SPAM1: variants seen among roughly 807,000 people sequenced by gnomAD.
The protein encoded by SPAM1 is hyaluronidase PH-20.
Under a neutral mutation model 29.6 loss-of-function variants are expected in SPAM1, and 22 were observed. The observed-to-expected ratio is 0.74, with a 90% CI of 0.53 to 1.06. The LOEUF (loss-of-function observed/expected upper bound fraction) is 1.06, where lower values mean the gene tolerates loss of function less well. Among genes scored for constraint, SPAM1 ranks in the 50% least tolerant of loss-of-function variants. The probability of loss-of-function intolerance (pLI) is 0.00; values close to 1 mark genes in which losing one functional copy is unlikely to be tolerated. For missense variants in SPAM1, 534 were observed against 604.0 expected, an observed-to-expected ratio of 0.88 and a Z score of 1.21; for synonymous variants, 194 against 204.6, an observed-to-expected ratio of 0.95 and a Z score of 0.44.
At position 123,967,302 on chromosome 7, in the gene SPAM1, A is replaced by G. The variant is rs112751555; in HGVS notation, c.1486-2896A>G. Among the ~76,000 whole-genome samples the G allele has an allele frequency of 3.3e-5, 5 of 152,198 alleles. 1 individual carries two copies. The highest frequency in any genetic ancestry group is 9.6e-5 in the African/African-American group (4 of 41,566). On this transcript the variant is annotated intron_variant, in intron 5 of 6. Coordinates refer to the SPAM1 transcript ENST00000340011. The stretch of plus-strand genomic sequence containing the variant: ...TATTTCAGATAAATCTGGTATTACA[A>G]TGCTAAAATCACTATATGCATAATG...
intron 4 of SPAM1, among the ~76,000 whole-genome samples, chr7:123,957,871 A>T (rs1344798459): frequency 6.6e-6 from 1 of 152,012 alleles, no homozygotes; most frequent in African/African-American, 2.4e-5. Context: ...AAAGTCAGCC[A>T]AGGTGGGTTG....
At chr7:123,963,608 C>G (rs143628300), downstream of SPAM1, among the ~76,000 whole-genome samples, 1 of 151,974 alleles carries the variant, frequency 6.6e-6, no homozygotes, top group African/African-American at 2.4e-5. Context: ...TCTGCTGACT[C>G]TCATTGCTTT....
rs760946017 is a variant in SPAM1 at position 123,953,793 on chromosome 7, T to C, written c.223T>C (p.Phe75Leu). ...DEPLDMSLFS[F>L]IGSPRINATG... is the part of the protein sequence containing the mutation. ...GCCACTAGATATGAGCCTCTTCTCT[T>C]TCATAGGAAGCCCCCGAATAAACGC... The change falls in exon 3 of 5, where the codon TTC becomes CTC. Residue 75 changes from phenylalanine (F) to leucine (L), a missense_variant. Physicochemically the swap from Phe to Leu is conservative, Grantham distance 22. Transcript: ENST00000682466. 6.2e-7 allele frequency: 1 copy of C among 1,612,584 alleles called. No individual in the cohort carries two copies. The highest frequency in any genetic ancestry group is 1.1e-5 in the South Asian group (1 of 90,874).
At chr7:123,961,005 T>C (rs1252083054), downstream of SPAM1, among the ~76,000 whole-genome samples, 2 of 151,890 alleles carry the variant, frequency 1.3e-5, no homozygotes, top group Non-Finnish European at 2.9e-5. Flanking sequence ...TCTTTTACAT[T>C]ATGTTATCTT....
chr7:123,954,245 C>G lies in SPAM1; in HGVS notation c.675C>G (p.Tyr225Ter). 2 of 1,613,256 alleles carry G rather than the reference C, an allele frequency of 1.2e-6. No homozygotes were observed. The highest frequency in any genetic ancestry group is 8.5e-7 in the Non-Finnish European group (1 of 1,179,664). Reference protein sequence around the residue: ...LWGYYLFPDCYNHHYKKPGYN... With the variant: ...LWGYYLFPDC ...GTTATTATCTTTTTCCGGATTGTTACAACCATCACTATAAGAAACCCGGTT... is the reference window on the plus strand; with the variant it reads ...GTTATTATCTTTTTCCGGATTGTTAGAACCATCACTATAAGAAACCCGGTT... Residue 225 changes from tyrosine (Y) to a stop codon, truncating the protein, a stop_gained, in exon 3 of 5, where the codon TAC (tyrosine) becomes TAG (stop). Transcript: ENST00000682466. LOFTEE classifies it high-confidence loss of function.
rs1315462228 is a variant in SPAM1, at chr7:123,959,676, G to A, written c.1237G>A (p.Gly413Arg). 8 of 1,613,292 alleles carry A rather than the reference G, an allele frequency of 5.0e-6. No individual in the cohort carries two copies. The highest frequency in any genetic ancestry group is 6.8e-6 in the Non-Finnish European group (8 of 1,179,588). The stretch of plus-strand genomic sequence containing the variant: ...TTTTGCTATTCAACTTGAGAAAGGT[G>A]GAAAGTTCACAGTACGTGGAAAACC... ...DNFAIQLEKG[G>R]KFTVRGKPTL... The change falls in exon 5 of 5, where the codon GGA becomes AGA. Residue 413 changes from glycine to arginine, a missense_variant. Coordinates refer to ENST00000682466, the MANE Select transcript of SPAM1 (RefSeq NM_153189.3).
intron 1 of SPAM1, among the ~76,000 whole-genome samples, chr7:123,947,527 G>GCAA (rs2117048749): frequency 6.6e-6 from 1 of 151,118 alleles, no homozygotes; most frequent in South Asian, 2.1e-4. Flanking sequence ...TCCAGCCTAG[G>GCAA]CAACAGACTG....
intron 5 of SPAM1, among the ~76,000 whole-genome samples, chr7:123,966,431 A>G (rs1260177043): frequency 6.6e-6 from 1 of 152,072 alleles, no homozygotes; most frequent in Non-Finnish European, 1.5e-5. Context: ...TATATATCCA[A>G]AGGAATATAA....
chr7:123,936,532 A>G (rs537014412), intron 1 of SPAM1, among the ~76,000 whole-genome samples: 8 of 152,300 alleles, frequency 5.3e-5, no homozygotes, highest in Admixed American at 1.3e-4. Context: ...GGGAATTGCA[A>G]TCTTATAGCA....
chr7:123,934,225 A>C (rs969339399), intron 1 of SPAM1, among the ~76,000 whole-genome samples: 8 of 152,140 alleles, frequency 5.3e-5, no homozygotes, highest in African/African-American at 1.9e-4. Context: ...AGGGATGCAT[A>C]ACTGTATATA....
intron 1 of SPAM1, among the ~76,000 whole-genome samples, chr7:123,933,381 A>G (rs1808150568): frequency 6.6e-6 from 1 of 152,192 alleles, no homozygotes; most frequent in African/African-American, 2.4e-5. Flanking sequence ...TTATTTTTAC[A>G]TGCACATTGA....
intron 5 of SPAM1, among the ~76,000 whole-genome samples, chr7:123,968,230 C>A (rs939053180): frequency 6.6e-6 from 1 of 152,072 alleles, no homozygotes. Flanking sequence ...GTCATATATA[C>A]ACCCACTTAT....
chr7:123,926,254 C>T (rs1807881026), intron 1 of SPAM1, among the ~76,000 whole-genome samples: 1 of 152,114 alleles, frequency 6.6e-6, no homozygotes, highest in Admixed American at 6.5e-5. Context: ...TGTGGATTAT[C>T]ATACCCTCCT....
chr7:123,964,464 T>C (rs1310664999), downstream of SPAM1, among the ~76,000 whole-genome samples: 3 of 151,942 alleles, frequency 2.0e-5, no homozygotes, highest in Admixed American at 6.6e-5. Context: ...GACTATATCA[T>C]TATAAATAAT....
At chr7:123,961,388 G>T (rs1792356206), downstream of SPAM1, among the ~76,000 whole-genome samples, 1 of 151,464 alleles carries the variant, frequency 6.6e-6, no homozygotes, top group Non-Finnish European at 1.5e-5. Context: ...AATTTTTTTA[G>T]CTCTCACATA....
chr7:123,954,871 A>G (rs1433968816), intron 3 of SPAM1, 126 bp from the exon 4 acceptor site: 3 of 667,998 alleles, frequency 4.5e-6, no homozygotes, highest in Non-Finnish European at 8.0e-6. Context: ...TGTAAGAGAT[A>G]GAAATAGTGG....
chr7:123,930,456 A>G (rs1808037946), intron 1 of SPAM1, among the ~76,000 whole-genome samples: 1 of 152,182 alleles, frequency 6.6e-6, no homozygotes, highest in African/African-American at 2.4e-5. Flanking sequence ...ATGATCCAAA[A>G]AGCCACTCCC....
chr7:123,937,024 A>G (rs1036455630), intron 1 of SPAM1, among the ~76,000 whole-genome samples: 2 of 152,130 alleles, frequency 1.3e-5, no homozygotes, highest in African/African-American at 4.8e-5. Context: ...ATTACCCCCA[A>G]GCATCTCTGT....
chr7:123,946,780 A>G (rs1808587200), intron 1 of SPAM1, among the ~76,000 whole-genome samples: 1 of 152,150 alleles, frequency 6.6e-6, no homozygotes, highest in Non-Finnish European at 1.5e-5. Flanking sequence ...GTGAATCTGC[A>G]TTTTTATATA....
Sources: gnomAD v4.1 joint callset for allele counts (sites outside exome capture counted in the v4.1 genomes callset) on GRCh38, gnomAD v4.1.1 for gene constraint, MANE v1.5 for transcripts, NCBI Gene and HGNC (gene_info 2026-07-23, HGNC 2026-07-21) for gene names.